ARAP2: variants seen among roughly 807,000 people sequenced by gnomAD.
The protein encoded by ARAP2 is ArfGAP with RhoGAP domain, ankyrin repeat and PH domain 2, also known as arf-GAP with Rho-GAP domain, ANK repeat and PH domain-containing protein 2.
A neutral mutation model predicts 194.5 loss-of-function variants in ARAP2; 148 were observed. The ratio of observed to expected loss-of-function variants is 0.76; its 90% confidence interval spans 0.67 to 0.87. ARAP2 has a LOEUF of 0.87. ARAP2 is among the 40% of genes least tolerant of loss of function. The pLI is 0.00. For missense variants in ARAP2, 2,128 were observed against 1,989.7 expected, an observed-to-expected ratio of 1.07 and a Z score of -1.32; for synonymous variants, 695 against 683.5, an observed-to-expected ratio of 1.02 and a Z score of -0.26.
chr4:36,106,324 G>T (rs1202148902), intron 27 of ARAP2, among the ~76,000 whole-genome samples: 2 of 151,850 alleles, frequency 1.3e-5, no homozygotes. Flanking sequence ...TTTCAAACAG[G>T]ATAAAGGTCT....
intron 9 of ARAP2, among the ~76,000 whole-genome samples, chr4:36,169,834 T>G (rs143791164): frequency 0.013 from 1,974 of 152,290 alleles, 116 homozygotes; most frequent in Admixed American, 0.1. Flanking sequence ...ACCACCCACT[T>G]ATCAGCTGCT....
At chr4:36,188,246 G>C (rs1357466951) in intron 7 of ARAP2, among the ~76,000 whole-genome samples, 1 of 152,096 alleles carries the variant, frequency 6.6e-6, no homozygotes, top group East Asian at 1.9e-4. Context: ...ATCATGTCAT[G>C]ATAACTACTG....
At chr4:36,167,078 A>G in intron 9 of ARAP2, 31 bp from the exon 10 acceptor site, 1 of 1,195,980 alleles carries the variant, frequency 8.4e-7, no homozygotes, top group Non-Finnish European at 1.2e-6. Context: ...AAAAACTATA[A>G]AGAAACAAAA....
intron 28 of ARAP2, among the ~76,000 whole-genome samples, chr4:36,091,068 C>A (rs772076298): frequency 6.6e-6 from 1 of 152,070 alleles, no homozygotes; most frequent in East Asian, 1.9e-4. Context: ...AAAAAGTACA[C>A]AAATCATACA....
At chr4:36,098,442 AAC>A (rs1215689463) in intron 27 of ARAP2, among the ~76,000 whole-genome samples, 2 of 152,030 alleles carry the variant, frequency 1.3e-5, no homozygotes, top group African/African-American at 2.4e-5. Flanking sequence ...TTGTTATGAA[AAC>A]ACAGTCTCCA....
At position 36,210,408 on chromosome 4, in the gene ARAP2, T is replaced by C; in HGVS notation, c.1469A>G (p.Asp490Gly). 6.2e-7 allele frequency: 1 copy of C among 1,611,382 alleles called. No individual in the cohort carries two copies. Among genetic ancestry groups the C allele is most frequent in the Non-Finnish European group, 8.5e-7 (1 of 1,178,864 alleles). ...TACATACCCTTGAGGAGAGAGTTTA[T>C]CCAGCCATCCTGATTTAACCTTCTT... is the stretch of plus-strand genomic sequence containing the variant. ...SAKKVKSGWL[D>G]KLSPQGKRMF... The change falls in exon 6 of 33, where the codon GAT becomes GGT. Residue 490 changes from aspartate (D) to glycine (G), a missense_variant. Coordinates refer to ENST00000303965, the MANE Select transcript of ARAP2 (RefSeq NM_015230.4).
chr4:36,063,400 A>T (rs183669329), downstream of ARAP2, among the ~76,000 whole-genome samples: 1 of 152,128 alleles, frequency 6.6e-6, no homozygotes, highest in Admixed American at 6.5e-5. Context: ...TGACACACGT[A>T]TACCTATGTA....
intron 31 of ARAP2, among the ~76,000 whole-genome samples, chr4:36,078,310 C>G (rs1035348611): frequency 6.6e-6 from 1 of 151,980 alleles, no homozygotes. Context: ...TCTAAGTCAT[C>G]TGAAGGTCAG....
intron 30 of ARAP2, among the ~76,000 whole-genome samples, chr4:36,081,780 T>C (rs1011411603): frequency 2.6e-5 from 4 of 151,906 alleles, no homozygotes; most frequent in African/African-American, 9.7e-5. Flanking sequence ...AGATCTCGTG[T>C]GGCTCAGTGA....
chr4:36,236,508 C>G (rs918480982), intron 1 of ARAP2, among the ~76,000 whole-genome samples: 1 of 152,126 alleles, frequency 6.6e-6, no homozygotes, highest in Non-Finnish European at 1.5e-5. Flanking sequence ...AAATCAGAAA[C>G]ACATCCTTAG....
exon 9 of ARAP2, chr4:36,012,610 C>T (rs1714766167): frequency 6.6e-6 from 1 of 152,210 alleles, no homozygotes; most frequent in African/African-American, 2.4e-5. Context: ...AAATGTAAAG[C>T]TCCTAAGAGA....
intron 3 of ARAP2, among the ~76,000 whole-genome samples, chr4:36,048,428 A>G (rs1722162015): frequency 6.6e-6 from 1 of 152,046 alleles, no homozygotes; most frequent in Admixed American, 6.6e-5. Context: ...ATGAGTACCA[A>G]AGGTTTAGCT....
chr4:36,112,171 T>C (rs986303856), intron 26 of ARAP2, among the ~76,000 whole-genome samples: 1 of 151,914 alleles, frequency 6.6e-6, no homozygotes, highest in African/African-American at 2.4e-5. Context: ...CCCACTTCAG[T>C]TGAAAAGGCT....
At chr4:36,090,536 C>A (rs889510455) in intron 28 of ARAP2, among the ~76,000 whole-genome samples, 1 of 152,072 alleles carries the variant, frequency 6.6e-6, no homozygotes, top group Non-Finnish European at 1.5e-5. Context: ...TTCACCAGCA[C>A]ACCAAAAGGC....
At chr4:36,152,331 T>C (rs946375343) in intron 15 of ARAP2, among the ~76,000 whole-genome samples, 1 of 152,144 alleles carries the variant, frequency 6.6e-6, no homozygotes, top group African/African-American at 2.4e-5. Flanking sequence ...CACAGTTAGA[T>C]AAAAATCATG....
At chr4:36,162,867 G>A (rs770565694) in intron 11 of ARAP2, among the ~76,000 whole-genome samples, 1 of 152,098 alleles carries the variant, frequency 6.6e-6, no homozygotes, top group African/African-American at 2.4e-5. Flanking sequence ...ATGAGACTTG[G>A]TGGGTTTGAA....
At chr4:36,241,588 G>A (rs1753513106) in intron 1 of ARAP2, among the ~76,000 whole-genome samples, 1 of 152,206 alleles carries the variant, frequency 6.6e-6, no homozygotes, top group East Asian at 1.9e-4. Context: ...GATGAGACAT[G>A]ACTATAAGAA....
chr4:36,161,482 T>C lies in ARAP2; in HGVS notation c.2242A>G (p.Ser748Gly). The C allele has an allele frequency of 6.2e-7, 1 of 1,613,980 alleles. No individual in the cohort carries two copies. The highest frequency in any genetic ancestry group is 1.1e-5 in the South Asian group (1 of 91,076). ...RSLKMDASIW[S>G]NELIELFIVI... ...GGACTCACCTCGATGAGTTCATTGCTCCAAATGCTAGCATCCATTTTTAGA... is the reference window on the plus strand; with the variant it reads ...GGACTCACCTCGATGAGTTCATTGCCCCAAATGCTAGCATCCATTTTTAGA... Residue 748 changes from serine to glycine, a missense_variant, in exon 12 of 33, where the codon AGC becomes GGC. Physicochemically the swap from Ser to Gly is moderately conservative, Grantham distance 56. Coordinates refer to ENST00000303965, the MANE Select transcript of ARAP2 (RefSeq NM_015230.4).
At chr4:36,227,837 C>T (rs530300804) in intron 2 of ARAP2, among the ~76,000 whole-genome samples, 1 of 152,274 alleles carries the variant, frequency 6.6e-6, no homozygotes, top group South Asian at 2.1e-4. Context: ...CTTTGAGATT[C>T]ATAAATTCTG....
Sources: allele counts gnomAD v4.1 joint callset (sites outside exome capture counted in the v4.1 genomes callset), GRCh38; gene constraint gnomAD v4.1.1; transcripts MANE v1.5; gene names NCBI Gene and HGNC (gene_info 2026-07-23, HGNC 2026-07-21).